The following DPP10 variants were observed in gnomAD, a reference collection of about 807,000 sequenced individuals.
DPP10 encodes the protein dipeptidyl peptidase like 10, also known as inactive dipeptidyl peptidase 10.
In DPP10, 33 loss-of-function variants were observed where a neutral mutation model predicts 120.9. The ratio of observed to expected loss-of-function variants is 0.27; its 90% CI spans 0.21 to 0.37. DPP10 has a LOEUF of 0.37. Among genes scored for constraint, DPP10 ranks in the 10% least tolerant of loss-of-function variants. DPP10 has a pLI of 1.00. For synonymous variants in DPP10, 337 were observed against 326.1 expected (o/e 1.03, Z -0.36); for missense variants, 816 against 942.8 (o/e 0.87, Z 1.76).
chr2:115,647,580 G>A (rs1266644400), intron 5 of DPP10, among the ~76,000 whole-genome samples: 1 of 152,126 alleles, frequency 6.6e-6, no homozygotes, highest in East Asian at 1.9e-4. Context: ...TAACATGACT[G>A]AGGGTACATC....
At chr2:115,613,663 T>C (rs567142482) in intron 5 of DPP10, among the ~76,000 whole-genome samples, 4 of 152,330 alleles carry the variant, frequency 2.6e-5, no homozygotes, top group Admixed American at 1.3e-4. Flanking sequence ...GAACAAATAC[T>C]GCTAAGATAT....
rs563047082 is a variant in DPP10 at position 114,852,141 on chromosome 2, C to A, written c.60+409303C>A. Among the ~76,000 whole-genome samples the A allele has an allele frequency of 1.6e-4, 16 of 102,980 alleles. 1 individual carries two copies. The East Asian group carries it at 4.2e-3, about 27-fold the overall frequency. 67.6% of individuals were successfully genotyped at this position (102,980 alleles called of 152,430 possible). A position where few individuals can be genotyped will look rare whatever the true frequency, so the allele number is the denominator to read the frequency against. On this transcript the variant is annotated intron_variant, in intron 1 of 25. Coordinates refer to ENST00000410059, the MANE Select transcript of DPP10 (RefSeq NM_020868.6). ...ATTATTTTTTGGGAAATTTTTATAG[C>A]GATTGCATCCTTTTTTTTTTTTTTT...
At chr2:114,788,177 TA>T (rs201746051) in intron 1 of DPP10, among the ~76,000 whole-genome samples, 2,689 of 152,302 alleles carry the variant, frequency 0.018, 24 homozygotes, top group Middle Eastern at 0.037. Context: ...TTGAACTATA[TA>T]AAAAATGACT....
chr2:115,085,737 C>T (rs1291505082), intron 1 of DPP10, among the ~76,000 whole-genome samples: 2 of 152,144 alleles, frequency 1.3e-5, no homozygotes, highest in Non-Finnish European at 2.9e-5. Context: ...TATTATAGTG[C>T]TGTTTGTTCC....
chr2:115,622,818 A>AT (rs2085057623), intron 5 of DPP10, among the ~76,000 whole-genome samples: 2 of 126,318 alleles, frequency 1.6e-5, no homozygotes, highest in Non-Finnish European at 3.3e-5. Flanking sequence ...AGCCACCCCC[A>AT]TTCGTTTATT....
At chr2:115,405,783 GGAACAGCCA>G (rs1296832352) in intron 3 of DPP10, among the ~76,000 whole-genome samples, 7 of 152,218 alleles carry the variant, frequency 4.6e-5, no homozygotes, top group Admixed American at 1.3e-4. Flanking sequence ...AACCATGGCT[GGAACAGCCA>G]GAGCAGCTGG....
chr2:114,553,744 G>A (rs1014641405), intron 1 of DPP10, among the ~76,000 whole-genome samples: 3 of 152,038 alleles, frequency 2.0e-5, no homozygotes, highest in African/African-American at 7.2e-5. Context: ...GTAGAAGTAT[G>A]AGAGGATCAA....
At chr2:115,541,387 G>T (rs1823268) in intron 5 of DPP10, among the ~76,000 whole-genome samples, 86,479 of 151,582 alleles carry the variant, frequency 0.57, 26,105 homozygotes, top group Non-Finnish European at 0.69. Flanking sequence ...TATTAATTTT[G>T]TAGAGGTTAT....
chr2:115,723,359 A>C (rs2092691075), intron 7 of DPP10, among the ~76,000 whole-genome samples: 1 of 152,068 alleles, frequency 6.6e-6, no homozygotes, highest in Admixed American at 6.5e-5. Flanking sequence ...TGCTTTTGTC[A>C]CTTGACGATA....
At chr2:115,582,478 C>A (rs1558881088) in intron 5 of DPP10, among the ~76,000 whole-genome samples, 1 of 152,152 alleles carries the variant, frequency 6.6e-6, no homozygotes, top group African/African-American at 2.4e-5. Context: ...CCAGCTGCAA[C>A]CAATTATTAT....
intron 1 of DPP10, among the ~76,000 whole-genome samples, chr2:114,852,384 G>C (rs1402734102): frequency 6.6e-6 from 1 of 151,730 alleles, no homozygotes; most frequent in Non-Finnish European, 1.5e-5. Context: ...ACAGACAGAG[G>C]GAAAATATTT....
intron 3 of DPP10, among the ~76,000 whole-genome samples, chr2:115,490,009 C>T (rs111792364): frequency 0.01 from 1,583 of 152,244 alleles, 34 homozygotes; most frequent in African/African-American, 0.036. Flanking sequence ...AAGTTTAACT[C>T]TTGCAACCAA....
At chr2:115,159,435 G>A (rs1188258659) in intron 1 of DPP10, among the ~76,000 whole-genome samples, 5 of 152,020 alleles carry the variant, frequency 3.3e-5, no homozygotes, top group African/African-American at 1.2e-4. Context: ...TCCCTTCTAA[G>A]GTGTAAGGTA....
intron 21 of DPP10, among the ~76,000 whole-genome samples, chr2:115,820,443 T>C (rs1342895056): frequency 6.6e-6 from 1 of 151,822 alleles, no homozygotes; most frequent in Non-Finnish European, 1.5e-5. Context: ...TTTTTTTTTT[T>C]ATTTCAACAG....
chr2:114,603,269 G>A (rs1025476070), intron 1 of DPP10, among the ~76,000 whole-genome samples: 5 of 151,750 alleles, frequency 3.3e-5, no homozygotes, highest in African/African-American at 7.3e-5. Flanking sequence ...ATTTTCATAC[G>A]AAAAAAATGG....
chr2:115,788,855 G>A (rs986959289), intron 17 of DPP10, among the ~76,000 whole-genome samples: 10 of 152,130 alleles, frequency 6.6e-5, no homozygotes, highest in African/African-American at 1.2e-4. Flanking sequence ...GGTGGCTCAC[G>A]CCTGTAATCC....
chr2:115,390,576 A>C (rs529740476), intron 3 of DPP10, among the ~76,000 whole-genome samples: 10 of 151,920 alleles, frequency 6.6e-5, no homozygotes, highest in Admixed American at 1.3e-4. Context: ...TTTTTCTACT[A>C]TTTTTCTCAG....
intron 5 of DPP10, among the ~76,000 whole-genome samples, chr2:115,559,521 A>G (rs181604856): frequency 6.6e-6 from 1 of 152,274 alleles, no homozygotes. Flanking sequence ...ACAAACTTGA[A>G]TGAGAGACTG....
At chr2:114,539,811 A>G (rs1686811775) in intron 1 of DPP10, among the ~76,000 whole-genome samples, 1 of 152,188 alleles carries the variant, frequency 6.6e-6, no homozygotes, top group Non-Finnish European at 1.5e-5. Flanking sequence ...GAGGCCTCCC[A>G]TATACAGCAC....
Sources: allele counts gnomAD v4.1 joint callset (sites outside exome capture counted in the v4.1 genomes callset), GRCh38; gene constraint gnomAD v4.1.1; transcripts MANE v1.5; gene names NCBI Gene and HGNC (gene_info 2026-07-23, HGNC 2026-07-21).